FTO: variants seen among roughly 807,000 people sequenced by gnomAD.
FTO encodes FTO alpha-ketoglutarate dependent dioxygenase.
FTO carries 47 observed loss-of-function variants against 63.9 expected under a neutral mutation model. The ratio of observed to expected loss-of-function variants is 0.74; its 90% CI spans 0.58 to 0.94. The LOEUF is 0.94. Ranked by LOEUF, FTO falls within the 40% of genes least tolerant of loss-of-function variation. The pLI is 0.00. For synonymous variants in FTO, 207 were observed against 224.4 expected (o/e 0.92, Z 0.69); for missense variants, 562 against 618.1 (o/e 0.91, Z 0.96).
chr16:53,953,850 A>G lies in FTO; in HGVS notation c.1364+19741A>G, dbSNP rs149981859. On this transcript the variant is annotated intron_variant, in intron 8 of 8. Transcript: ENST00000471389. Reference sequence around the variant, plus strand: ...AAATGAGCAAATCTTTTAAAATTATAGGTACAGTGTCCATTCTCCACAGTG... The same window carrying G: ...AAATGAGCAAATCTTTTAAAATTATGGGTACAGTGTCCATTCTCCACAGTG... Among the ~76,000 whole-genome samples the G allele has an allele frequency of 6.5e-3, 991 of 152,356 alleles. 38 individuals are homozygous for G. Among genetic ancestry groups the G allele is most frequent in the Admixed American group, 0.058 (893 of 15,304 alleles).
Position 53,744,385 on chromosome 16 carries a change from G to A in FTO, c.45+40156G>A, listed in dbSNP as rs59591125. On this transcript the variant is annotated intron_variant, in intron 1 of 8. Coordinates refer to ENST00000471389, the MANE Select transcript of FTO (RefSeq NM_001080432.3). Reference sequence around the variant, plus strand: ...TCTGGTTGCCTTGAAAAAATAAATCGGCTCATGCTAGGTTTTCTTTAGTCA... The same window carrying A: ...TCTGGTTGCCTTGAAAAAATAAATCAGCTCATGCTAGGTTTTCTTTAGTCA... Among the ~76,000 whole-genome samples, 1,477 of 152,112 alleles carry A rather than the reference G, an allele frequency of 9.7e-3. 22 individuals carry two copies. The highest frequency in any genetic ancestry group is 0.04 in the East Asian group (209 of 5,180).
At chr16:53,816,317 T>C (rs969537122) in intron 2 of FTO, among the ~76,000 whole-genome samples, 1 of 152,166 alleles carries the variant, frequency 6.6e-6, no homozygotes, top group South Asian at 2.1e-4. Flanking sequence ...CTTCCCCTGG[T>C]CTAGTTTAAC....
chr16:54,059,314 G>A (rs190024287), intron 8 of FTO, among the ~76,000 whole-genome samples: 1 of 152,300 alleles, frequency 6.6e-6, no homozygotes, highest in African/African-American at 2.4e-5. Context: ...ACTCATATCA[G>A]GTTATGATCG....
intron 8 of FTO, among the ~76,000 whole-genome samples, chr16:54,062,310 C>G (rs1450413425): frequency 6.6e-6 from 1 of 152,152 alleles, no homozygotes; most frequent in Non-Finnish European, 1.5e-5. Context: ...TTCAGATTGA[C>G]AGGCTTGGCC....
intron 8 of FTO, among the ~76,000 whole-genome samples, chr16:53,969,876 G>A (rs1483785058): frequency 1.3e-5 from 2 of 152,178 alleles, no homozygotes; most frequent in Admixed American, 6.5e-5. Flanking sequence ...TTAGGGTAAC[G>A]TGGCTGTGAA....
intron 8 of FTO, among the ~76,000 whole-genome samples, chr16:53,959,902 T>C (rs1639261616): frequency 6.6e-6 from 1 of 152,078 alleles, no homozygotes; most frequent in Admixed American, 6.6e-5. Flanking sequence ...CCCAGGGGCA[T>C]GAAGGTGCAA....
chr16:53,765,194 A>G (rs1421763502), intron 1 of FTO, among the ~76,000 whole-genome samples: 2 of 152,186 alleles, frequency 1.3e-5, no homozygotes, highest in Non-Finnish European at 2.9e-5. Flanking sequence ...CTGGGGATTC[A>G]GTAGTAACAG....
intron 8 of FTO, among the ~76,000 whole-genome samples, chr16:53,966,968 T>C (rs1159072694): frequency 1.3e-5 from 2 of 152,198 alleles, no homozygotes; most frequent in African/African-American, 2.4e-5. Flanking sequence ...TGAGTCCTGC[T>C]TAACAATCGT....
At chr16:54,018,047 T>TATCATC (rs10635158) in intron 8 of FTO, among the ~76,000 whole-genome samples, 4,486 of 151,924 alleles carry the variant, frequency 0.03, 116 homozygotes, top group Middle Eastern at 0.12. Context: ...TGTTGACTTT[T>TATCATC]ATCATCATCA....
At chr16:53,789,270 G>GT (rs2077831980) in intron 1 of FTO, among the ~76,000 whole-genome samples, 1 of 152,212 alleles carries the variant, frequency 6.6e-6, no homozygotes, top group Admixed American at 6.5e-5. Context: ...GCAAAGAGCA[G>GT]TTTTTTCCTC....
At chr16:53,900,707 G>A (rs2081385383) in intron 7 of FTO, among the ~76,000 whole-genome samples, 1 of 135,008 alleles carries the variant, frequency 7.4e-6, no homozygotes, top group Non-Finnish European at 1.5e-5. Context: ...AAGGCAGTAA[G>A]TAATTCAGAG....
chr16:53,756,526 A>T (rs1197358970), intron 1 of FTO, among the ~76,000 whole-genome samples: 1 of 152,210 alleles, frequency 6.6e-6, no homozygotes, highest in East Asian at 1.9e-4. Flanking sequence ...CTTTTCTCTA[A>T]CATTATGTGT....
chr16:53,865,783 A>T (rs1289542140), intron 4 of FTO, among the ~76,000 whole-genome samples: 1 of 152,216 alleles, frequency 6.6e-6, no homozygotes, highest in African/African-American at 2.4e-5. Flanking sequence ...TGAAACTGCC[A>T]GTCAGATTAG....
At chr16:53,871,988 A>G (rs8047680) in intron 4 of FTO, among the ~76,000 whole-genome samples, 8,402 of 152,040 alleles carry the variant, frequency 0.055, 379 homozygotes, top group African/African-American at 0.12. Context: ...CGGCCTCCCA[A>G]AGTACTGAGA....
rs529308792 is a variant in FTO at position 54,094,362 on chromosome 16, G to A, written c.1365-17400G>A. Among the ~76,000 whole-genome samples the A allele has an allele frequency of 5.9e-5, 9 of 152,258 alleles. No homozygotes were observed. The East Asian group carries it at 7.7e-4, about 13-fold the overall frequency. On this transcript the variant is annotated intron_variant, in intron 8 of 8. Transcript: ENST00000471389. ...CAGTGGCGGCATTGCTAGCAGCACCGCAAAAACTTCAGTCGGAGGACTTCA... is the reference window on the plus strand; with the variant it reads ...CAGTGGCGGCATTGCTAGCAGCACCACAAAAACTTCAGTCGGAGGACTTCA...
At chr16:53,810,832 T>C (rs1436783531) in intron 2 of FTO, among the ~76,000 whole-genome samples, 1 of 152,202 alleles carries the variant, frequency 6.6e-6, no homozygotes, top group Non-Finnish European at 1.5e-5. Context: ...GATCACTGTT[T>C]TTTCCTATTT....
chr16:53,825,945 T>G lies in FTO; in HGVS notation c.205T>G (p.Phe69Val), dbSNP rs1352866890. Residue 69 changes from phenylalanine to valine, a missense_variant, in exon 3 of 9, where the codon TTT becomes GTT. Transcript: ENST00000471389. ...EELHKEVQEA[F>V]LTLHKHGCLF... is the part of the protein sequence containing the mutation. ...GCTCCATAAAGAGGTTCAAGAAGCCTTTCTCACACTGCACAAGCATGGCTG... is the reference window on the plus strand; with the variant it reads ...GCTCCATAAAGAGGTTCAAGAAGCCGTTCTCACACTGCACAAGCATGGCTG... 2 of 1,614,150 alleles carry G rather than the reference T, an allele frequency of 1.2e-6. No homozygotes were observed. The highest frequency in any genetic ancestry group is 1.7e-6 in the Non-Finnish European group (2 of 1,180,028).
intron 8 of FTO, among the ~76,000 whole-genome samples, chr16:54,105,919 GT>G (rs1482668398): frequency 6.6e-6 from 1 of 151,732 alleles, no homozygotes; most frequent in East Asian, 1.9e-4. Flanking sequence ...TCCTTTATTT[GT>G]TGCAAAATTT....
chr16:53,818,649 C>A, intron 2 of FTO, among the ~76,000 whole-genome samples: 1 of 150,070 alleles, frequency 6.7e-6, no homozygotes. Context: ...ATCTTTTTAT[C>A]CAATTTTTTT....
Sources: gnomAD v4.1 joint callset for allele counts (sites outside exome capture counted in the v4.1 genomes callset) on GRCh38, gnomAD v4.1.1 for gene constraint, MANE v1.5 for transcripts, NCBI Gene and HGNC (gene_info 2026-07-23, HGNC 2026-07-21) for gene names.